The following UTS2 variants were observed in gnomAD, a reference collection of about 807,000 sequenced individuals.
UTS2 encodes urotensin 2, also known as urotensin-2.
UTS2 carries 10 observed loss-of-function variants against 12.6 expected under a neutral mutation model. The observed-to-expected ratio is 0.80, with a 90% CI of 0.49 to 1.35. UTS2 has a LOEUF of 1.35. UTS2 is among the 40% of genes most tolerant of loss of function. UTS2 has a pLI of 0.00. For synonymous variants in UTS2, 52 were observed against 50.0 expected (o/e 1.04, Z -0.17); for missense variants, 142 against 143.2 (o/e 0.99, Z 0.04).
chr1:7,905,646 G>A, the UTS2 span, among the ~76,000 whole-genome samples: 2 of 152,128 alleles, frequency 1.3e-5, no homozygotes, highest in Admixed American at 6.5e-5. Flanking sequence ...AAGGAAGAGG[G>A]GAATTCTGCT....
the UTS2 span, among the ~76,000 whole-genome samples, chr1:7,873,307 T>C: frequency 9.2e-5 from 14 of 152,356 alleles, no homozygotes; most frequent in South Asian, 2.1e-4. Context: ...TCAAGTCTTA[T>C]TATATGAGAA....
chr1:7,853,872 C>T (rs1021555475), upstream of UTS2, among the ~76,000 whole-genome samples: 6 of 152,228 alleles, frequency 3.9e-5, no homozygotes, highest in African/African-American at 1.4e-4. Context: ...ATGCCAGAAG[C>T]ATCTGCATAA....
the UTS2 span, among the ~76,000 whole-genome samples, chr1:7,910,660 CAGG>C: frequency 6.6e-6 from 1 of 152,170 alleles, no homozygotes; most frequent in Non-Finnish European, 1.5e-5. Context: ...AGTTGATTTT[CAGG>C]AGCTCTTTAG....
chr1:7,901,630 GTATA>G, the UTS2 span, among the ~76,000 whole-genome samples: 1 of 150,710 alleles, frequency 6.6e-6, no homozygotes, highest in African/African-American at 2.4e-5. Flanking sequence ...GTGTGTGTGT[GTATA>G]TATATATTTA....
chr1:7,861,200 A>G, the UTS2 span, among the ~76,000 whole-genome samples: 7 of 152,154 alleles, frequency 4.6e-5, no homozygotes, highest in Non-Finnish European at 1.5e-5. Context: ...GAACCTGGCA[A>G]GGTGACGTTA....
chr1:7,883,272 A>C, the UTS2 span, among the ~76,000 whole-genome samples: 9 of 152,244 alleles, frequency 5.9e-5, no homozygotes, highest in Admixed American at 5.9e-4. Flanking sequence ...AGATGAAACA[A>C]GCCAGGCACA....
chr1:7,870,314 G>T, the UTS2 span, among the ~76,000 whole-genome samples: 2 of 152,132 alleles, frequency 1.3e-5, no homozygotes, highest in South Asian at 2.1e-4. Context: ...GGAGAAGAAG[G>T]CATCTACAAG....
upstream of UTS2, among the ~76,000 whole-genome samples, chr1:7,855,940 TGCCTCA>T (rs1224657957): frequency 6.6e-6 from 1 of 151,854 alleles, no homozygotes; most frequent in Non-Finnish European, 1.5e-5. Flanking sequence ...GCAATCCTCC[TGCCTCA>T]GCCTCAGCCT....
At chr1:7,864,388 C>T in the UTS2 span, among the ~76,000 whole-genome samples, 1 of 152,194 alleles carries the variant, frequency 6.6e-6, no homozygotes, top group Non-Finnish European at 1.5e-5. Flanking sequence ...GTCTCTCAAT[C>T]CTCTGTCCCT....
chr1:7,875,276 G>A, the UTS2 span, among the ~76,000 whole-genome samples: 5 of 152,100 alleles, frequency 3.3e-5, no homozygotes, highest in African/African-American at 1.2e-4. Context: ...GGGTTTCACC[G>A]TGTTATCCAG....
At chr1:7,890,971 C>CCCCT in the UTS2 span, among the ~76,000 whole-genome samples, 1 of 151,048 alleles carries the variant, frequency 6.6e-6, no homozygotes, top group Non-Finnish European at 1.5e-5. Flanking sequence ...CCCTCCACCC[C>CCCCT]CCCCCACAAA....
the UTS2 span, among the ~76,000 whole-genome samples, chr1:7,874,015 C>G: frequency 1.3e-3 from 197 of 152,076 alleles, 1 homozygote; most frequent in Non-Finnish European, 1.2e-3. Context: ...AGGACTCAAA[C>G]AGCAAATGAA....
the UTS2 span, among the ~76,000 whole-genome samples, chr1:7,906,963 A>C: frequency 5.9e-5 from 9 of 152,154 alleles, no homozygotes; most frequent in Non-Finnish European, 1.2e-4. Flanking sequence ...TTATTGAAAG[A>C]GTATGGGCTG....
the UTS2 span, among the ~76,000 whole-genome samples, chr1:7,909,684 A>G: frequency 6.6e-6 from 1 of 151,990 alleles, no homozygotes; most frequent in Non-Finnish European, 1.5e-5. Flanking sequence ...GCAATGGCAC[A>G]ATCTCGGCTC....
chr1:7,906,483 G>GAAAGAAAGAAAGAA, the UTS2 span, among the ~76,000 whole-genome samples: 2 of 123,092 alleles, frequency 1.6e-5, no homozygotes, highest in East Asian at 5.6e-4. Flanking sequence ...AAGAAAGAAA[G>GAAAGAAAGAAAGAA]AAAGAAAGAA....
chr1:7,908,840 T>C, the UTS2 span, among the ~76,000 whole-genome samples: 1 of 150,602 alleles, frequency 6.6e-6, no homozygotes, highest in African/African-American at 2.4e-5. Context: ...GGAGTTTTGC[T>C]CTGTTGCCCA....
the UTS2 span, among the ~76,000 whole-genome samples, chr1:7,908,808 AT>A: frequency 0.3 from 43,033 of 144,402 alleles, 7,147 homozygotes; most frequent in South Asian, 0.45. Flanking sequence ...CAAAGGCACA[AT>A]TTTTTTTTTT....
upstream of UTS2, among the ~76,000 whole-genome samples, chr1:7,857,301 C>T (rs77541611): frequency 0.17 from 26,576 of 152,024 alleles, 3,914 homozygotes; most frequent in East Asian, 0.58. Flanking sequence ...CACCCTTGCT[C>T]TCCCCACAAT....
chr1:7,909,170 G>C, the UTS2 span, among the ~76,000 whole-genome samples: 1 of 152,286 alleles, frequency 6.6e-6, no homozygotes, highest in Admixed American at 6.5e-5. Flanking sequence ...CAGGACACAC[G>C]GGGATTATGG....
Sources: gnomAD v4.1 joint callset for allele counts (sites outside exome capture counted in the v4.1 genomes callset) on GRCh38, gnomAD v4.1.1 for gene constraint, MANE v1.5 for transcripts, NCBI Gene and HGNC (gene_info 2026-07-23, HGNC 2026-07-21) for gene names.